Variants in ARIH2 observed in about 807,000 individuals in gnomAD.
ARIH2 encodes the protein ariadne RBR E3 ubiquitin protein ligase 2, also known as E3 ubiquitin-protein ligase ARIH2.
A neutral mutation model predicts 79.8 loss-of-function variants in ARIH2; 12 were observed. The ratio of observed to expected loss-of-function variants is 0.15; its 90% CI spans 0.10 to 0.24. ARIH2 has a LOEUF of 0.24. Among genes scored for constraint, ARIH2 ranks in the 10% least tolerant of loss-of-function variants. The pLI is 1.00. For missense variants in ARIH2, 301 were observed against 618.3 expected (o/e 0.49, Z 5.44); for synonymous variants, 224 against 213.9 (o/e 1.05, Z -0.41).
intron 6 of ARIH2, 151 bp downstream of exon 6, chr3:48,967,426 A>T (rs1392682482): frequency 1.2e-6 from 1 of 867,890 alleles, no homozygotes; most frequent in Non-Finnish European, 1.7e-6. Flanking sequence ...ACATCCATAC[A>T]AACAGTGACA....
At chr3:48,965,314 C>G (rs979645049) in intron 5 of ARIH2, among the ~76,000 whole-genome samples, 1 of 151,962 alleles carries the variant, frequency 6.6e-6, no homozygotes, top group Non-Finnish European at 1.5e-5. Context: ...GAGCCAAGAT[C>G]ATGCCACTGC....
At chr3:48,973,843 G>T in intron 9 of ARIH2, 27 bp downstream of exon 9, 1 of 1,554,298 alleles carries the variant, frequency 6.4e-7, no homozygotes, top group Non-Finnish European at 8.9e-7. Flanking sequence ...ACCTCTCATG[G>T]ATTTGCCCTC....
intron 14 of ARIH2, among the ~76,000 whole-genome samples, chr3:48,982,061 C>A (rs1374299065): frequency 6.6e-6 from 1 of 152,162 alleles, no homozygotes; most frequent in Non-Finnish European, 1.5e-5. Context: ...ATATATTTGA[C>A]TGTTTTATAC....
chr3:48,919,317 C>T, intron 1 of ARIH2: 1 of 838,432 alleles, frequency 1.2e-6, no homozygotes, highest in East Asian at 3.4e-5. Context: ...CGCCTCGGGG[C>T]TCACCACTCG....
Position 48,935,472 on chromosome 3 carries a change from TGGG to T in ARIH2, c.255+7662_255+7664del, listed in dbSNP as rs576366784. Among the ~76,000 whole-genome samples the T allele has an allele frequency of 1.2e-4, 19 of 152,352 alleles. No homozygotes were observed. In the South Asian group the frequency reaches 3.5e-3, roughly 28 times the overall value. On this transcript the variant is annotated intron_variant, in intron 3 of 15. Coordinates refer to ENST00000356401, the MANE Select transcript of ARIH2 (RefSeq NM_006321.4). ...GTGAGTACCTATGTATTACAGTTGT[TGGG>T]GGACTGGTTACATTGTTGTGAATGT...
intron 11 of ARIH2, among the ~76,000 whole-genome samples, chr3:48,978,748 C>G (rs2092645907): frequency 2.6e-5 from 4 of 151,430 alleles, no homozygotes; most frequent in Admixed American, 2.6e-4. Context: ...TCACTGAACA[C>G]TGGGGGTTCT....
Position 48,966,219 on chromosome 3 carries a change from G to C in ARIH2, c.388-906G>C, listed in dbSNP as rs184092361. 3.7e-4 allele frequency among the ~76,000 whole-genome samples: 57 copies of C among 152,264 alleles called. No individual in the cohort carries two copies. In the East Asian group the frequency reaches 0.01, roughly 27 times the overall value. Reference sequence around the variant, plus strand: ...ATAGATCTTGGAAGGCAGAATTGGGGCTCAGATCACCACATAATTTCTGCA... The same window carrying C: ...ATAGATCTTGGAAGGCAGAATTGGGCCTCAGATCACCACATAATTTCTGCA... On this transcript the variant is annotated intron_variant, in intron 5 of 15. Coordinates refer to ENST00000356401, the MANE Select transcript of ARIH2 (RefSeq NM_006321.4).
intron 2 of ARIH2, among the ~76,000 whole-genome samples, chr3:48,923,315 G>T (rs1212107645): frequency 6.6e-6 from 1 of 151,638 alleles, no homozygotes; most frequent in Non-Finnish European, 1.5e-5. Flanking sequence ...CAGGAGAATT[G>T]CTTGAACCCG....
intron 3 of ARIH2, chr3:48,934,944 G>A (rs1189557467): frequency 4.1e-6 from 4 of 985,068 alleles, no homozygotes; most frequent in African/African-American, 1.7e-5. Context: ...TAATCAAGGG[G>A]TGATACGGTA....
intron 3 of ARIH2, among the ~76,000 whole-genome samples, chr3:48,946,631 C>A (rs2089185621): frequency 6.6e-6 from 1 of 151,916 alleles, no homozygotes; most frequent in Non-Finnish European, 1.5e-5. Flanking sequence ...AAAACAAAGC[C>A]ATATTGGATT....
chr3:48,977,180 C>T (rs1430060648), intron 11 of ARIH2, among the ~76,000 whole-genome samples: 3 of 151,920 alleles, frequency 2.0e-5, no homozygotes, highest in Non-Finnish European at 4.4e-5. Flanking sequence ...CCAGCCTGGG[C>T]AACAGAGTGA....
intron 3 of ARIH2, among the ~76,000 whole-genome samples, chr3:48,928,675 C>G (rs549722873): frequency 1.3e-5 from 2 of 151,808 alleles, no homozygotes; most frequent in Non-Finnish European, 2.9e-5. Flanking sequence ...ACAGAAATAA[C>G]TAAGGTGTGC....
chr3:48,945,103 T>C (rs769735114), intron 3 of ARIH2: 3 of 1,289,430 alleles, frequency 2.3e-6, no homozygotes, highest in South Asian at 2.5e-5. Flanking sequence ...GAATTCTAAA[T>C]AAAAATTGAA....
chr3:48,979,916 T>G, intron 12 of ARIH2: 1 of 282,434 alleles, frequency 3.5e-6, no homozygotes, highest in Non-Finnish European at 6.5e-6. Context: ...AGTACCATCT[T>G]TTTTTTTTTT....
intron 14 of ARIH2, among the ~76,000 whole-genome samples, chr3:48,982,189 T>G (rs912565476): frequency 5.3e-5 from 8 of 152,228 alleles, no homozygotes; most frequent in Non-Finnish European, 1.0e-4. Context: ...AGAAAAGCAT[T>G]TACATTGTCC....
intron 8 of ARIH2, chr3:48,973,498 A>C: frequency 1.5e-4 from 57 of 379,832 alleles, no homozygotes; most frequent in Non-Finnish European, 1.9e-4. Flanking sequence ...AATGGCATGA[A>C]CCCGGGAGGC....
rs1028182322 is a variant in ARIH2 at position 48,961,765 on chromosome 3, A to C, written c.323+86A>C. ...TTGTTTACATTTTGGACCATATTCG[A>C]CTATATTCCAATGTGCATAGTATAT... On this transcript the variant is annotated intron_variant, in intron 4 of 15. Transcript: ENST00000356401. 3 of 868,802 alleles carry C rather than the reference A, an allele frequency of 3.5e-6. No homozygotes were observed. The Admixed American group carries it at 5.8e-5, about 17-fold the overall frequency. 53.8% of individuals were successfully genotyped at this position (868,802 alleles called of 1,614,324 possible).
At chr3:48,979,319 A>G (rs1426054369) in intron 11 of ARIH2, among the ~76,000 whole-genome samples, 163 bp from the exon 12 acceptor site, 3 of 152,222 alleles carry the variant, frequency 2.0e-5, no homozygotes, top group Non-Finnish European at 4.4e-5. Flanking sequence ...GTAGGATGTG[A>G]CAGGGATGAG....
chr3:48,970,107 G>A lies in ARIH2; in HGVS notation c.661-488G>A, dbSNP rs149701535. Among the ~76,000 whole-genome samples, 1,185 of 152,174 alleles carry A rather than the reference G, an allele frequency of 7.8e-3. 10 individuals carry two copies. The highest frequency in any genetic ancestry group is 0.027 in the African/African-American group (1,128 of 41,494). On this transcript the variant is annotated intron_variant, in intron 7 of 15. Coordinates refer to ENST00000356401, the MANE Select transcript of ARIH2 (RefSeq NM_006321.4). Reference sequence around the variant, plus strand: ...GGGTTTCACCATGTTGGCCAGGCTGGTCTCAAACTCCTGACCTCAGGTGAT... The same window carrying A: ...GGGTTTCACCATGTTGGCCAGGCTGATCTCAAACTCCTGACCTCAGGTGAT...
Sources: gnomAD v4.1 joint callset for allele counts (sites outside exome capture counted in the v4.1 genomes callset) on GRCh38, gnomAD v4.1.1 for gene constraint, MANE v1.5 for transcripts, NCBI Gene and HGNC (gene_info 2026-07-23, HGNC 2026-07-21) for gene names.